Variants in TSPEAR observed in about 807,000 individuals in gnomAD.
The protein encoded by TSPEAR is thrombospondin-type laminin G domain and EAR repeat-containing protein.
Under a neutral mutation model 71.6 loss-of-function variants are expected in TSPEAR, and 69 were observed. The observed-to-expected ratio is 0.96, with a 90% confidence interval of 0.79 to 1.18. TSPEAR has a LOEUF of 1.18. Among genes scored for constraint, TSPEAR ranks in the 50% most tolerant of loss-of-function variants. The pLI is 0.00. For synonymous variants in TSPEAR, 402 were observed against 387.2 expected (o/e 1.04, Z -0.45); for missense variants, 971 against 894.9 (o/e 1.09, Z -1.09).
At chr21:44,573,071 A>G (rs1978289817) in intron 1 of TSPEAR, among the ~76,000 whole-genome samples, 1 of 152,092 alleles carries the variant, frequency 6.6e-6, no homozygotes. Flanking sequence ...TTCCAAAACC[A>G]TGAGACACGG....
At chr21:44,682,059 G>T in intron 1 of TSPEAR, 1 of 1,614,082 alleles carries the variant, frequency 6.2e-7, no homozygotes, top group Non-Finnish European at 8.5e-7. Context: ...GTAACAGGAT[G>T]CCTGGCAGGG....
chr21:44,503,500 A>G (rs1555911438), intron 11 of TSPEAR, among the ~76,000 whole-genome samples: 1 of 123,372 alleles, frequency 8.1e-6, no homozygotes, highest in Non-Finnish European at 1.7e-5. Context: ...CTCTGGGAGG[A>G]GGCCGGCCTT....
chr21:44,687,251 G>C lies in TSPEAR; in HGVS notation c.82+24182C>G, dbSNP rs1161588413. Among the ~76,000 whole-genome samples the C allele has an allele frequency of 1.3e-5, 2 of 152,140 alleles. No individual in the cohort carries two copies. The highest frequency in any genetic ancestry group is 2.4e-5 in the African/African-American group (1 of 41,432). On this transcript the variant is annotated intron_variant, in intron 1 of 11. Coordinates refer to ENST00000323084, the MANE Select transcript of TSPEAR (RefSeq NM_144991.3). The surrounding 1 kb of genome is among the most constrained non-coding windows in gnomAD (Gnocchi z 4.4). ...TAGATTTCAGCTCAGCAGGAGGAAG[G>C]GTCCCCTGAAAGCCAGGGCTCCCAG...
At position 44,672,711 on chromosome 21, in the gene TSPEAR, T is replaced by C. The variant is rs373159057; in HGVS notation, c.82+38722A>G. Among the ~76,000 whole-genome samples the C allele has an allele frequency of 2.9e-4, 44 of 152,332 alleles. 1 individual carries two copies. In the South Asian group the frequency reaches 7.7e-3, roughly 27 times the overall value. ...TTTCTATCTCTGCCCAAATCTCGTG[T>C]TGAATTGTTATCCTCAATGCTGGAG... On this transcript the variant is annotated intron_variant, in intron 1 of 11. Transcript: ENST00000323084.
intron 11 of TSPEAR, among the ~76,000 whole-genome samples, chr21:44,503,125 G>A (rs1487067775): frequency 4.2e-5 from 6 of 143,398 alleles, no homozygotes; most frequent in Admixed American, 6.9e-5. Context: ...GTGAGTCCTC[G>A]GGGGGAAGCA....
At chr21:44,518,126 A>T (rs1386337534) in intron 9 of TSPEAR, 1 of 357,550 alleles carries the variant, frequency 2.8e-6, no homozygotes, top group African/African-American at 2.1e-5. Context: ...TCTCATTAGT[A>T]GCATTTTTTA....
chr21:44,545,798 T>A (rs180780220), intron 2 of TSPEAR, among the ~76,000 whole-genome samples: 68 of 151,430 alleles, frequency 4.5e-4, no homozygotes, highest in African/African-American at 7.0e-4. Flanking sequence ...GCTTACATTT[T>A]AAAAAAAAAT....
intron 1 of TSPEAR, among the ~76,000 whole-genome samples, chr21:44,625,316 C>A (rs983716103): frequency 6.6e-6 from 1 of 152,170 alleles, no homozygotes; most frequent in Non-Finnish European, 1.5e-5. Context: ...TGATGGGCCA[C>A]GCACGGTGGC....
Position 44,710,448 on chromosome 21 carries a change from G to T in TSPEAR, c.82+985C>A, listed in dbSNP as rs12373922. Among the ~76,000 whole-genome samples, 1 of 148,476 alleles carries T rather than the reference G, an allele frequency of 6.7e-6. No homozygotes were observed. The highest frequency in any genetic ancestry group is 1.5e-5 in the Non-Finnish European group (1 of 67,054). The stretch of plus-strand genomic sequence containing the variant: ...CCACCCCCACCCCCCACGCGAGTCA[G>T]CACGTTCCATACTCGGGTGATCGTG... On this transcript the variant is annotated intron_variant, in intron 1 of 11. Transcript: ENST00000323084. The surrounding 1 kb of genome is among the most constrained non-coding windows in gnomAD (Gnocchi z 4.6).
intron 2 of TSPEAR, chr21:44,558,125 G>A (rs1555920184): frequency 6.2e-7 from 1 of 1,613,124 alleles, no homozygotes; most frequent in Non-Finnish European, 8.5e-7. Flanking sequence ...GGCGGCAGAG[G>A]AGGGACACGC....
intron 1 of TSPEAR, among the ~76,000 whole-genome samples, chr21:44,651,979 C>CTTT (rs60867977): frequency 2.3e-4 from 29 of 124,516 alleles, no homozygotes; most frequent in African/African-American, 3.1e-4. Flanking sequence ...ATAAAACTTT[C>CTTT]TTTTTTTTTT....
At chr21:44,697,341 G>A in intron 1 of TSPEAR, 2 of 1,613,158 alleles carry the variant, frequency 1.2e-6, no homozygotes, top group Non-Finnish European at 1.7e-6. Context: ...CCGGCCCCCT[G>A]CCTGAGCCTG....
chr21:44,671,653 TA>T (rs1344881957), intron 1 of TSPEAR, among the ~76,000 whole-genome samples: 1 of 152,066 alleles, frequency 6.6e-6, no homozygotes, highest in Non-Finnish European at 1.5e-5. Flanking sequence ...GAATCATAGC[TA>T]AAGTATTCCA....
chr21:44,530,992 C>A, intron 4 of TSPEAR, 51 bp downstream of exon 4: 1 of 1,439,846 alleles, frequency 6.9e-7, no homozygotes, highest in South Asian at 1.2e-5. Flanking sequence ...TGGCCTGGGG[C>A]AGTCCCATCC....
chr21:44,621,858 G>T (rs1413470864), intron 1 of TSPEAR, among the ~76,000 whole-genome samples: 5 of 150,050 alleles, frequency 3.3e-5, no homozygotes, highest in Admixed American at 3.3e-4. Context: ...AATATAGACA[G>T]TTGTGTCTCC....
chr21:44,699,712 T>C (rs1398150443), intron 1 of TSPEAR, among the ~76,000 whole-genome samples: 3 of 152,188 alleles, frequency 2.0e-5, no homozygotes, highest in Non-Finnish European at 2.9e-5. Context: ...CTTTTCTCTA[T>C]GTGCGTTCTC....
At chr21:44,703,330 G>A (rs767050885) in intron 1 of TSPEAR, among the ~76,000 whole-genome samples, 1 of 152,244 alleles carries the variant, frequency 6.6e-6, no homozygotes, top group Non-Finnish European at 1.5e-5. Flanking sequence ...CCTCCAGGCA[G>A]CTCTCAGGGT....
At chr21:44,644,970 G>C (rs1984229243) in intron 1 of TSPEAR, among the ~76,000 whole-genome samples, 1 of 152,078 alleles carries the variant, frequency 6.6e-6, no homozygotes. Context: ...CAAATGACCA[G>C]TATCAGACTG....
chr21:44,528,508 G>C lies in TSPEAR; in HGVS notation c.866C>G (p.Ala289Gly). 6.2e-7 allele frequency: 1 copy of C among 1,614,144 alleles called. No individual in the cohort carries two copies. Among genetic ancestry groups the C allele is most frequent in the Non-Finnish European group, 8.5e-7 (1 of 1,180,032 alleles). Residue 289 changes from alanine to glycine, a missense_variant, in exon 6 of 12, where the codon GCC becomes GGC. Coordinates refer to ENST00000323084, the MANE Select transcript of TSPEAR (RefSeq NM_144991.3). Reference sequence around the variant, plus strand: ...ACACAGATACAGGCCCTTCCGGCTGGCATCAAACCAGAACTGGGCGTCTTC... The same window carrying C: ...ACACAGATACAGGCCCTTCCGGCTGCCATCAAACCAGAACTGGGCGTCTTC... ...EVEDAQFWFD[A>G]SRKGLYLCVG... is the part of the protein sequence containing the mutation.
Sources: allele counts gnomAD v4.1 joint callset (sites outside exome capture counted in the v4.1 genomes callset), GRCh38; gene constraint gnomAD v4.1.1; non-coding constraint Gnocchi (gnomAD v3.1); transcripts MANE v1.5; gene names NCBI Gene and HGNC (gene_info 2026-07-23, HGNC 2026-07-21).